The following SETDB2 variants were observed in gnomAD, a reference collection of about 807,000 sequenced individuals.
SETDB2 encodes the protein SET domain bifurcated histone lysine methyltransferase 2, also known as histone-lysine N-methyltransferase SETDB2.
SETDB2 carries 56 observed loss-of-function variants against 82.5 expected under a neutral mutation model. That is an observed-to-expected ratio of 0.68 (90% confidence interval 0.55 to 0.85). The LOEUF is 0.85. Among genes scored for constraint, SETDB2 ranks in the 40% least tolerant of loss-of-function variants. SETDB2 has a pLI of 0.00. For synonymous variants in SETDB2, 272 were observed against 284.9 expected (o/e 0.95, Z 0.46); for missense variants, 677 against 816.4 (o/e 0.83, Z 2.08).
rs954905565 is a variant in SETDB2 at position 49,494,892 on chromosome 13, T to C, written c.*3043T>C. ...TATATGTCTTTTTTCCAGAACAACT[T>C]ATTTTTTAACTATAATTATATGCAT... On this transcript the variant is annotated 3_prime_UTR_variant, in exon 14 of 14. Transcript: ENST00000611815. 5 of 152,152 alleles carry C rather than the reference T, an allele frequency of 3.3e-5. No homozygotes were observed. Among genetic ancestry groups the C allele is most frequent in the African/African-American group, 1.2e-4 (5 of 41,422 alleles). The allele number at this position is 152,152 out of a possible 1,614,324, so 9.4% of individuals were successfully genotyped here. A position where few individuals can be genotyped will look rare whatever the true frequency, so the allele number is the denominator to read the frequency against.
chr13:49,489,739 G>A (rs1958668310), intron 12 of SETDB2, among the ~76,000 whole-genome samples: 2 of 150,034 alleles, frequency 1.3e-5, no homozygotes, highest in South Asian at 4.2e-4. Context: ...GAGATTACAG[G>A]TGTGCACCAC....
chr13:49,458,838 C>T (rs180678170), intron 2 of SETDB2, among the ~76,000 whole-genome samples: 48 of 152,346 alleles, frequency 3.2e-4, no homozygotes, highest in African/African-American at 1.2e-3. Flanking sequence ...ATTCATGACT[C>T]CTCCCACTGC....
At chr13:49,480,800 T>G (rs1265769438) in intron 7 of SETDB2, 147 bp from the exon 8 acceptor site, 1 of 670,572 alleles carries the variant, frequency 1.5e-6, no homozygotes, top group Admixed American at 2.9e-5. Context: ...CTAGTAAATG[T>G]GGAAGCTGTG....
At chr13:49,465,164 A>G (rs969826887) in intron 4 of SETDB2, among the ~76,000 whole-genome samples, 2 of 152,316 alleles carry the variant, frequency 1.3e-5, no homozygotes, top group Admixed American at 6.5e-5. Flanking sequence ...GGTCAAAACA[A>G]GCTGTCCTGG....
rs1594187919 is a variant in SETDB2, at chr13:49,491,680, T to C, written c.2007-52T>C. On this transcript the variant is annotated intron_variant, in intron 13 of 13. Transcript: ENST00000611815. The stretch of plus-strand genomic sequence containing the variant: ...ATGAAAATTGATATAATTTGGTTCA[T>C]TGGTAGTTATTTAGGGTATTTTATG... 17 of 1,287,770 alleles carry C rather than the reference T, an allele frequency of 1.3e-5. No individual in the cohort carries two copies. In the East Asian group the frequency reaches 3.9e-4, roughly 30 times the overall value. 79.8% of individuals were successfully genotyped at this position (1,287,770 alleles called of 1,614,324 possible).
rs10695231 is a variant in SETDB2, at chr13:49,470,966, C to CTTTCTTTTTTT, written c.305+3009_305+3010insCTTTTTTTTTT. Among the ~76,000 whole-genome samples the CTTTCTTTTTTT allele has an allele frequency of 1.5e-3, 117 of 80,474 alleles. 7 individuals are homozygous for CTTTCTTTTTTT. The highest frequency in any genetic ancestry group is 4.0e-3 in the African/African-American group (67 of 16,952). The allele number at this position is 80,474 out of a possible 152,430, so 52.8% of individuals were successfully genotyped here. On this transcript the variant is annotated intron_variant, in intron 5 of 13. Coordinates refer to ENST00000611815, the MANE Select transcript of SETDB2 (RefSeq NM_001160308.3). ...GTTTTTTTGTTTTCTTTCTTTCTTT[C>CTTTCTTTTTTT]TTTTTTTTTTTTTTTTTTGAGACAG...
chr13:49,448,370 T>G (rs1020806996), intron 1 of SETDB2, among the ~76,000 whole-genome samples: 2 of 152,214 alleles, frequency 1.3e-5, no homozygotes, highest in African/African-American at 4.8e-5. Context: ...TCCCAGCTTC[T>G]TTAATTGAAT....
chr13:49,480,144 C>A, intron 6 of SETDB2, 75 bp from the exon 7 acceptor site: 2 of 901,368 alleles, frequency 2.2e-6, no homozygotes, highest in Non-Finnish European at 3.5e-6. Context: ...ACATCATTTA[C>A]ACATTTATCA....
At chr13:49,478,663 A>G (rs1200089579) in intron 6 of SETDB2, among the ~76,000 whole-genome samples, 1 of 152,208 alleles carries the variant, frequency 6.6e-6, no homozygotes, top group Non-Finnish European at 1.5e-5. Context: ...ACAGTGGCTC[A>G]TACCTGTAAT....
rs189956589 is a variant in SETDB2, at chr13:49,485,152, G to A, written c.1483-478G>A. ...GCCAAGCATTGTGCTGAGTATATAC[G>A]CCTCTTTTAAAGTTATCATTACTAC... On this transcript the variant is annotated intron_variant, in intron 10 of 13. Coordinates refer to ENST00000611815, the MANE Select transcript of SETDB2 (RefSeq NM_001160308.3). 1.1e-3 allele frequency among the ~76,000 whole-genome samples: 166 copies of A among 152,228 alleles called. 1 individual carries two copies. The highest frequency in any genetic ancestry group is 2.0e-3 in the Non-Finnish European group (135 of 68,024).
intron 3 of SETDB2, among the ~76,000 whole-genome samples, chr13:49,460,791 G>C (rs1381527302): frequency 1.3e-5 from 2 of 152,024 alleles, no homozygotes; most frequent in Non-Finnish European, 2.9e-5. Context: ...ATGGTCTTAT[G>C]ACATTATTAT....
chr13:49,489,780 G>A (rs1351068340), intron 12 of SETDB2, among the ~76,000 whole-genome samples: 1 of 149,346 alleles, frequency 6.7e-6, no homozygotes, highest in Non-Finnish European at 1.5e-5. Flanking sequence ...ATTTTTAGTA[G>A]AGACACAATT....
At chr13:49,457,022 C>T (rs1331406275) in intron 2 of SETDB2, among the ~76,000 whole-genome samples, 1 of 151,986 alleles carries the variant, frequency 6.6e-6, no homozygotes, top group Non-Finnish European at 1.5e-5. Flanking sequence ...TGCTTAGTTA[C>T]ATTCATTTAT....
chr13:49,492,434 C>T lies in SETDB2; in HGVS notation c.*585C>T, dbSNP rs559187322. 2.6e-5 allele frequency: 4 copies of T among 152,918 alleles called. No individual in the cohort carries two copies. Among genetic ancestry groups the T allele is most frequent in the Non-Finnish European group, 5.8e-5 (4 of 68,612 alleles). The allele number at this position is 152,918 out of a possible 1,614,324, so 9.5% of individuals were successfully genotyped here. On this transcript the variant is annotated 3_prime_UTR_variant, in exon 14 of 14. Coordinates refer to ENST00000611815, the MANE Select transcript of SETDB2 (RefSeq NM_001160308.3). ...CCATTTGAGTGGGGAGAGGGAGAAGCTCTTCTGTAAGTAAGATTCTGGCAA... is the reference window on the plus strand; with the variant it reads ...CCATTTGAGTGGGGAGAGGGAGAAGTTCTTCTGTAAGTAAGATTCTGGCAA...
intron 1 of SETDB2, chr13:49,445,711 C>G (rs934420272): frequency 2.7e-5 from 4 of 150,256 alleles, no homozygotes; most frequent in African/African-American, 9.8e-5. Flanking sequence ...GGCGGATCAC[C>G]TGAGGTCAGG....
rs187551801 is a variant in SETDB2 at position 49,470,991 on chromosome 13, G to A, written c.305+3031G>A. ...CTTTTTTTTTTTTTTTTTTGAGACAGCAGGGTCTCACTGTCTCGCTGGGTG... is the reference window on the plus strand; with the variant it reads ...CTTTTTTTTTTTTTTTTTTGAGACAACAGGGTCTCACTGTCTCGCTGGGTG... On this transcript the variant is annotated intron_variant, in intron 5 of 13. Coordinates refer to ENST00000611815, the MANE Select transcript of SETDB2 (RefSeq NM_001160308.3). Among the ~76,000 whole-genome samples, 35 of 17,852 alleles carry A rather than the reference G, an allele frequency of 2.0e-3. No individual in the cohort carries two copies. In the East Asian group the frequency reaches 0.075, roughly 38 times the overall value. The allele number at this position is 17,852 out of a possible 152,430, so 11.7% of individuals were successfully genotyped here.
intron 4 of SETDB2, among the ~76,000 whole-genome samples, chr13:49,466,793 G>A (rs959845010): frequency 3.4e-5 from 5 of 146,950 alleles, no homozygotes; most frequent in African/African-American, 1.0e-4. Context: ...ACAGGCATGC[G>A]CCACCATGCC....
Position 49,480,204 on chromosome 13 carries a change from T to C in SETDB2, c.870-15T>C, listed in dbSNP as rs1958450765. On this transcript the variant is annotated splice_polypyrimidine_tract_variant and intron_variant, in intron 6 of 13. Coordinates refer to ENST00000611815, the MANE Select transcript of SETDB2 (RefSeq NM_001160308.3). ...TGCTTTTTCATTCTTTCTCCATCCA[T>C]TGCCTGCCTTTTAGAACAAAATGTG... The C allele has an allele frequency of 1.3e-6, 2 of 1,563,264 alleles. No homozygotes were observed. Among genetic ancestry groups the C allele is most frequent in the Non-Finnish European group, 1.7e-6 (2 of 1,146,118 alleles).
At chr13:49,483,638 T>G (rs1489990997) in intron 10 of SETDB2, 75 bp downstream of exon 10, 4 of 336,372 alleles carry the variant, frequency 1.2e-5, no homozygotes. Flanking sequence ...TTTTTTTTTT[T>G]TTTTTTTTGA....
Sources: allele counts gnomAD v4.1 joint callset (sites outside exome capture counted in the v4.1 genomes callset), GRCh38; gene constraint gnomAD v4.1.1; transcripts MANE v1.5; gene names NCBI Gene and HGNC (gene_info 2026-07-23, HGNC 2026-07-21).